ZEB1: variants seen among roughly 807,000 people sequenced by gnomAD.
ZEB1 encodes the protein zinc finger E-box-binding homeobox 1.
ZEB1 carries 21 observed loss-of-function variants against 84.9 expected under a neutral mutation model. The observed-to-expected ratio is 0.25, with a 90% confidence interval of 0.18 to 0.36. The LOEUF (loss-of-function observed/expected upper bound fraction) is 0.36. Among genes scored for constraint, ZEB1 ranks in the 10% least tolerant of loss-of-function variants. ZEB1 has a pLI of 1.00. For missense variants in ZEB1, 1,104 were observed against 1,330.2 expected, an observed-to-expected ratio of 0.83 and a Z score of 2.65; for synonymous variants, 420 against 471.1, an observed-to-expected ratio of 0.89 and a Z score of 1.41.
intron 2 of ZEB1, 57 bp from the exon 3 acceptor site, chr10:31,495,719 T>C (rs1591845213): frequency 6.3e-7 from 1 of 1,587,738 alleles, no homozygotes; most frequent in East Asian, 2.2e-5. Flanking sequence ...TAAACATTTG[T>C]CTTTCGTTTG....
chr10:31,438,759 G>A (rs1386107062), intron 1 of ZEB1, among the ~76,000 whole-genome samples: 1 of 152,186 alleles, frequency 6.6e-6, no homozygotes, highest in African/African-American at 2.4e-5. Flanking sequence ...ACAGAGGATC[G>A]CTTGAGCCTA....
chr10:31,456,710 G>A (rs161272), intron 1 of ZEB1, among the ~76,000 whole-genome samples: 42,892 of 151,940 alleles, frequency 0.28, 14,098 homozygotes, highest in African/African-American at 0.8. Context: ...TAGGTACTCT[G>A]TTTTTCTTTG....
intron 1 of ZEB1, among the ~76,000 whole-genome samples, chr10:31,337,569 C>T (rs1185125205): frequency 6.6e-6 from 1 of 150,952 alleles, no homozygotes; most frequent in Non-Finnish European, 1.5e-5. Flanking sequence ...TTCCTATGTA[C>T]GTATGTTTAA....
At chr10:31,353,585 T>G (rs2041654060) in intron 1 of ZEB1, among the ~76,000 whole-genome samples, 1 of 152,214 alleles carries the variant, frequency 6.6e-6, no homozygotes, top group Admixed American at 6.5e-5. Context: ...ATGATCAAAT[T>G]GACAAGTACC....
At chr10:31,488,052 T>TTTTTTC (rs1010745200) in intron 2 of ZEB1, among the ~76,000 whole-genome samples, 1 of 151,230 alleles carries the variant, frequency 6.6e-6, no homozygotes, top group Admixed American at 6.6e-5. Flanking sequence ...GTCTATAATT[T>TTTTTTC]TTTTTCTTTT....
chr10:31,331,538 G>A (rs1392126782), intron 1 of ZEB1, among the ~76,000 whole-genome samples: 1 of 152,196 alleles, frequency 6.6e-6, no homozygotes, highest in Non-Finnish European at 1.5e-5. Flanking sequence ...GATGAGAGAT[G>A]TAGTACCTTG....
intron 2 of ZEB1, among the ~76,000 whole-genome samples, chr10:31,476,485 C>T (rs1338656068): frequency 1.3e-5 from 2 of 151,696 alleles, no homozygotes; most frequent in East Asian, 3.9e-4. Flanking sequence ...CTTCCAACAA[C>T]AAAAAAGCCC....
intron 1 of ZEB1, among the ~76,000 whole-genome samples, chr10:31,451,886 G>T (rs978991201): frequency 6.6e-6 from 1 of 152,096 alleles, no homozygotes; most frequent in African/African-American, 2.4e-5. Context: ...GAAATCCTAC[G>T]AATCCTTAGT....
At chr10:31,400,128 A>T (rs963667321) in intron 1 of ZEB1, among the ~76,000 whole-genome samples, 1 of 152,010 alleles carries the variant, frequency 6.6e-6, no homozygotes, top group African/African-American at 2.4e-5. Flanking sequence ...CTACCATCCC[A>T]TATATTTTAC....
In ZEB1 at chr10:31,510,763, A is replaced by G. The variant is rs763939117; in HGVS notation, c.575A>G (p.Tyr192Cys). Residue 192 changes from tyrosine to cysteine, a missense_variant, in exon 5 of 9, where the codon TAT becomes TGT. Physicochemically the swap from Tyr to Cys is radical, Grantham distance 194. Around this residue, in one of 7 missense-constraint regions of ZEB1, gnomAD observed 71 missense variants for 119.1 expected, o/e 0.60. Transcript: ENST00000424869. ...ACCTCTCTGAAAGAACACATTAAATATCGTCATGAAAAGAATGAAGATAAC... is the reference window on the plus strand; with the variant it reads ...ACCTCTCTGAAAGAACACATTAAATGTCGTCATGAAAAGAATGAAGATAAC... ...RFTSLKEHIK[Y>C]RHEKNEDNFS... 6.2e-7 allele frequency: 1 copy of G among 1,613,878 alleles called. No homozygotes were observed. Among genetic ancestry groups the G allele is most frequent in the Non-Finnish European group, 8.5e-7 (1 of 1,179,934 alleles).
At chr10:31,348,470 A>G (rs1056264434) in intron 1 of ZEB1, among the ~76,000 whole-genome samples, 3 of 152,190 alleles carry the variant, frequency 2.0e-5, no homozygotes, top group Non-Finnish European at 2.9e-5. Flanking sequence ...AGGCTGAGAC[A>G]GGAGAATCAC....
chr10:31,461,677 C>G (rs1464989062), intron 2 of ZEB1, among the ~76,000 whole-genome samples: 5 of 151,992 alleles, frequency 3.3e-5, no homozygotes, highest in Non-Finnish European at 7.4e-5. Flanking sequence ...CATCAGAATC[C>G]TTTAAGTAAG....
chr10:31,393,479 A>T (rs1475387542), intron 1 of ZEB1, among the ~76,000 whole-genome samples: 2 of 152,164 alleles, frequency 1.3e-5, no homozygotes, highest in Non-Finnish European at 2.9e-5. Context: ...AAAAGCTTAA[A>T]TTCTTCTTAG....
At chr10:31,503,988 A>G (rs1330242378) in intron 4 of ZEB1, among the ~76,000 whole-genome samples, 2 of 138,622 alleles carry the variant, frequency 1.4e-5, no homozygotes, top group African/African-American at 6.9e-5. Context: ...ATTTGCAGAT[A>G]TTCACTCTGT....
chr10:31,483,141 G>C (rs536834431), intron 2 of ZEB1, among the ~76,000 whole-genome samples: 1 of 152,110 alleles, frequency 6.6e-6, no homozygotes, highest in South Asian at 2.1e-4. Context: ...GACTGGGAAG[G>C]CTGGACACAA....
rs2072459564 is a variant in ZEB1 at position 31,521,807 on chromosome 10, AT to A, written c.2476del (p.Cys826AlafsTer2). On this transcript the variant is annotated frameshift_variant, in exon 7 of 9. Coordinates refer to ENST00000424869, the MANE Select transcript of ZEB1 (RefSeq NM_001174096.2). LOFTEE classifies it high-confidence loss of function. ...CCATTGCTGACCAGAACAGTGTTCC[AT>A]GCTTAAGAGCGCTAGCTGCCAATAA... ...VAIADQNSVPCLRALAANKQT... is the reference protein window; with the variant it reads ...VAIADQNSVPXLRALAANKQT... The A allele has an allele frequency of 6.2e-7, 1 of 1,613,718 alleles. No individual in the cohort carries two copies. The highest frequency in any genetic ancestry group is 8.5e-7 in the Non-Finnish European group (1 of 1,179,830).
At chr10:31,473,410 C>A (rs1172122136) in intron 2 of ZEB1, among the ~76,000 whole-genome samples, 1 of 151,920 alleles carries the variant, frequency 6.6e-6, no homozygotes, top group Non-Finnish European at 1.5e-5. Context: ...TCTTATACAC[C>A]AGTAACAGAC....
At chr10:31,378,544 GTAATATTAAATATA>G (rs1240942304) in intron 1 of ZEB1, among the ~76,000 whole-genome samples, 1 of 151,382 alleles carries the variant, frequency 6.6e-6, no homozygotes, top group Non-Finnish European at 1.5e-5. Flanking sequence ...ATACAATTAT[GTAATATTAAATATA>G]TAATATTAAA....
intron 1 of ZEB1, among the ~76,000 whole-genome samples, chr10:31,322,634 A>G (rs1435296489): frequency 6.6e-6 from 1 of 152,220 alleles, no homozygotes; most frequent in African/African-American, 2.4e-5. Flanking sequence ...TAAAGGAGTG[A>G]CATTAGAATT....
Sources: allele counts gnomAD v4.1 joint callset (sites outside exome capture counted in the v4.1 genomes callset), GRCh38; gene constraint gnomAD v4.1.1; regional missense constraint gnomAD v4.1.1; transcripts MANE v1.5; gene names NCBI Gene and HGNC (gene_info 2026-07-23, HGNC 2026-07-21).